The following SRGAP1 variants were observed in gnomAD, a reference collection of about 807,000 sequenced individuals.
SRGAP1 encodes the protein SLIT-ROBO Rho GTPase activating protein 1.
In SRGAP1, 43 loss-of-function variants were observed where a neutral mutation model predicts 121.9. That is an observed-to-expected ratio of 0.35 (90% CI 0.28 to 0.46). The LOEUF (loss-of-function observed/expected upper bound fraction) is 0.46. Ranked by LOEUF, SRGAP1 falls within the 20% of genes least tolerant of loss-of-function variation. SRGAP1 has a pLI of 1.00. For missense variants in SRGAP1, 1,102 were observed against 1,350.9 expected (o/e 0.82, Z 2.89); for synonymous variants, 447 against 485.4 (o/e 0.92, Z 1.04).
chr12:63,965,794 C>T (rs763645891), intron 1 of SRGAP1, among the ~76,000 whole-genome samples: 8 of 152,144 alleles, frequency 5.3e-5, no homozygotes, highest in East Asian at 1.9e-4. Flanking sequence ...GTATGAATAA[C>T]GGAGAAGATA....
At chr12:64,123,100 T>C (rs1369364885) in intron 18 of SRGAP1, among the ~76,000 whole-genome samples, 2 of 152,196 alleles carry the variant, frequency 1.3e-5, no homozygotes, top group African/African-American at 4.8e-5. Flanking sequence ...GTATACTGTA[T>C]CATGTGTTGG....
At chr12:63,855,130 C>A (rs1475083484) in intron 1 of SRGAP1, among the ~76,000 whole-genome samples, 1 of 152,128 alleles carries the variant, frequency 6.6e-6, no homozygotes, top group South Asian at 2.1e-4. Flanking sequence ...ATCTTTGCCC[C>A]ATTATTAAGT....
chr12:64,010,280 C>A (rs1009557794), intron 3 of SRGAP1, among the ~76,000 whole-genome samples: 8 of 152,126 alleles, frequency 5.3e-5, no homozygotes, highest in African/African-American at 1.7e-4. Flanking sequence ...AGGCCATAGG[C>A]CTTCTGAATG....
intron 3 of SRGAP1, among the ~76,000 whole-genome samples, chr12:63,998,445 GA>G (rs1168248052): frequency 1.3e-5 from 2 of 152,138 alleles, no homozygotes; most frequent in East Asian, 3.8e-4. Flanking sequence ...TAGGAGGACT[GA>G]TGATGCTCAT....
chr12:63,913,975 A>AT (rs2030668160), intron 1 of SRGAP1, among the ~76,000 whole-genome samples: 1 of 151,992 alleles, frequency 6.6e-6, no homozygotes, highest in South Asian at 2.1e-4. Context: ...ACTATTTATT[A>AT]TTTTTTCTTA....
At position 63,992,660 on chromosome 12, in the gene SRGAP1, T is replaced by TACACACACACACACAC. The variant is rs59798383; in HGVS notation, c.426+2629_426+2644dup. 8.2e-4 allele frequency among the ~76,000 whole-genome samples: 114 copies of TACACACACACACACAC among 138,566 alleles called. 1 individual carries two copies. Among genetic ancestry groups the TACACACACACACACAC allele is most frequent in the African/African-American group, 3.0e-3 (106 of 35,916 alleles). 90.9% of individuals were successfully genotyped at this position (138,566 alleles called of 152,430 possible). On this transcript the variant is annotated intron_variant, in intron 3 of 21. Transcript: ENST00000355086. The stretch of plus-strand genomic sequence containing the variant: ...AATGGCCTGGAGAATGCACAGTAAA[T>TACACACACACACACAC]ACACACACACACACACACACACACA...
chr12:63,981,551 T>G (rs2033246560), intron 1 of SRGAP1, among the ~76,000 whole-genome samples: 2 of 152,240 alleles, frequency 1.3e-5, no homozygotes, highest in Admixed American at 1.3e-4. Context: ...AGCTCTGCGT[T>G]TTTGAAAGAC....
In SRGAP1 at chr12:63,891,179, C is replaced by T. The variant is rs531216507; in HGVS notation, c.67+46296C>T. ...GGAGGCCTTGGATGCCTTTATTAGACGCTCCTCACTACCAAGGCCAGTGGC... is the reference window on the plus strand; with the variant it reads ...GGAGGCCTTGGATGCCTTTATTAGATGCTCCTCACTACCAAGGCCAGTGGC... On this transcript the variant is annotated intron_variant, in intron 1 of 21. Transcript: ENST00000355086. Among the ~76,000 whole-genome samples the T allele has an allele frequency of 6.6e-5, 10 of 152,290 alleles. No homozygotes were observed. In the South Asian group the frequency reaches 8.3e-4, roughly 13 times the overall value.
chr12:63,913,617 C>T (rs183589361), intron 1 of SRGAP1, among the ~76,000 whole-genome samples: 2 of 151,046 alleles, frequency 1.3e-5, no homozygotes, highest in Admixed American at 6.6e-5. Context: ...TGAACTTCAT[C>T]TCTCTCCCTG....
intron 2 of SRGAP1, among the ~76,000 whole-genome samples, chr12:63,986,825 G>A (rs535573074): frequency 3.3e-5 from 5 of 152,262 alleles, no homozygotes; most frequent in African/African-American, 4.8e-5. Flanking sequence ...CTGGCCCCAT[G>A]GTGGATGGAC....
intron 1 of SRGAP1, among the ~76,000 whole-genome samples, chr12:63,954,109 T>G (rs1323356775): frequency 6.6e-6 from 1 of 152,214 alleles, no homozygotes; most frequent in Non-Finnish European, 1.5e-5. Context: ...AGAGATATTC[T>G]TTTCTGTTTT....
chr12:64,015,862 A>T (rs953420351), intron 3 of SRGAP1, among the ~76,000 whole-genome samples: 2 of 151,900 alleles, frequency 1.3e-5, no homozygotes, highest in African/African-American at 2.4e-5. Flanking sequence ...TATGCTACAC[A>T]TTTTTTTTCC....
chr12:63,913,161 C>A (rs942745373), intron 1 of SRGAP1, among the ~76,000 whole-genome samples: 1 of 146,524 alleles, frequency 6.8e-6, no homozygotes, highest in Admixed American at 6.9e-5. Flanking sequence ...TTCTTTATGC[C>A]TCTCAGTGCA....
chr12:63,852,224 A>G (rs963842499), intron 1 of SRGAP1, among the ~76,000 whole-genome samples: 7 of 152,022 alleles, frequency 4.6e-5, no homozygotes, highest in African/African-American at 1.7e-4. Flanking sequence ...CCCAAACTCA[A>G]GTGATCCACC....
intron 1 of SRGAP1, among the ~76,000 whole-genome samples, chr12:63,973,597 A>T (rs1158295804): frequency 2.6e-5 from 4 of 152,242 alleles, no homozygotes; most frequent in Non-Finnish European, 4.4e-5. Context: ...TTAGATATAA[A>T]TGTTAAATTG....
chr12:63,889,071 CTCA>C (rs1462714414), intron 1 of SRGAP1, among the ~76,000 whole-genome samples: 2 of 152,194 alleles, frequency 1.3e-5, no homozygotes, highest in Non-Finnish European at 2.9e-5. Flanking sequence ...GAGGCCACAC[CTCA>C]TCATCTGCAC....
At position 63,911,940 on chromosome 12, in the gene SRGAP1, A is replaced by G. The variant is rs115287103; in HGVS notation, c.67+67057A>G. Reference sequence around the variant, plus strand: ...ACTCCAGAGGCCTATAATTAGCTCTATTTTCTCCACCTGTGGTACATCTTT... The same window carrying G: ...ACTCCAGAGGCCTATAATTAGCTCTGTTTTCTCCACCTGTGGTACATCTTT... On this transcript the variant is annotated intron_variant, in intron 1 of 21. Coordinates refer to ENST00000355086, the MANE Select transcript of SRGAP1 (RefSeq NM_020762.4). Among the ~76,000 whole-genome samples, 1,014 of 152,250 alleles carry G rather than the reference A, an allele frequency of 6.7e-3. 12 individuals carry two copies. Among genetic ancestry groups the G allele is most frequent in the African/African-American group, 0.023 (958 of 41,532 alleles).
chr12:64,005,931 G>A (rs1439122957), intron 3 of SRGAP1, among the ~76,000 whole-genome samples: 4 of 152,070 alleles, frequency 2.6e-5, no homozygotes, highest in Middle Eastern at 3.2e-3. Flanking sequence ...GCACAGTGGC[G>A]GCTACTATGG....
At chr12:63,956,720 CTTTT>C (rs3067620) in intron 1 of SRGAP1, among the ~76,000 whole-genome samples, 12 of 96,966 alleles carry the variant, frequency 1.2e-4, no homozygotes, top group South Asian at 7.3e-4. Context: ...GTAAGCAAGG[CTTTT>C]TTTTTTTTTT....
Sources: gnomAD v4.1 joint callset for allele counts (sites outside exome capture counted in the v4.1 genomes callset) on GRCh38, gnomAD v4.1.1 for gene constraint, MANE v1.5 for transcripts, NCBI Gene and HGNC (gene_info 2026-07-23, HGNC 2026-07-21) for gene names.